IRAG2: variants seen among roughly 807,000 people sequenced by gnomAD.
IRAG2 encodes lymphoid restricted membrane protein.
In IRAG2, 45 loss-of-function variants were observed where a neutral mutation model predicts 69.9. The ratio of observed to expected loss-of-function variants is 0.64; its 90% CI spans 0.51 to 0.83. The LOEUF is 0.83. Among genes scored for constraint, IRAG2 ranks in the 40% least tolerant of loss-of-function variants. The pLI is 0.00. For synonymous variants in IRAG2, 193 were observed against 202.4 expected (o/e 0.95, Z 0.40); for missense variants, 520 against 587.0 (o/e 0.89, Z 1.18).
chr12:25,072,265 C>G (rs1027354679), intron 6 of IRAG2, among the ~76,000 whole-genome samples: 1 of 152,068 alleles, frequency 6.6e-6, no homozygotes, highest in African/African-American at 2.4e-5. Flanking sequence ...ACATCACAAT[C>G]GAGCCTCCAG....
chr12:25,084,030 G>A (rs1947401929), intron 10 of IRAG2, among the ~76,000 whole-genome samples: 2 of 78,198 alleles, frequency 2.6e-5, no homozygotes, highest in African/African-American at 6.9e-5. Context: ...GCATGGTAAA[G>A]CTCTATAAAC....
intron 17 of IRAG2, chr12:25,103,635 C>T: frequency 5.8e-6 from 3 of 518,988 alleles, no homozygotes; most frequent in East Asian, 3.1e-5. Flanking sequence ...TATAATAATC[C>T]AACATTGAGT....
At chr12:25,027,473 C>A (rs1225781175) in intron 9 of IRAG2, among the ~76,000 whole-genome samples, 3 of 150,724 alleles carry the variant, frequency 2.0e-5, no homozygotes, top group African/African-American at 7.3e-5. Context: ...TGGCTCACTG[C>A]AAGCTCTGCC....
At chr12:25,053,141 G>T (rs1178273014) in intron 1 of IRAG2, among the ~76,000 whole-genome samples, 185 bp downstream of exon 1, 1 of 151,800 alleles carries the variant, frequency 6.6e-6, no homozygotes, top group Non-Finnish European at 1.5e-5. Flanking sequence ...TGCATGCATG[G>T]GTTTAACCAT....
intron 20 of IRAG2, among the ~76,000 whole-genome samples, chr12:25,105,420 TTTTATG>T (rs1949010321): frequency 1.3e-5 from 2 of 152,236 alleles, no homozygotes; most frequent in Admixed American, 1.3e-4. Context: ...AAGGAGATGA[TTTTATG>T]TTTATTTATT....
intron 2 of IRAG2, among the ~76,000 whole-genome samples, chr12:25,010,097 G>C (rs915295988): frequency 1.3e-5 from 2 of 152,190 alleles, no homozygotes; most frequent in Non-Finnish European, 2.9e-5. Context: ...ATATGACAGA[G>C]GGCTTAGAGT....
At chr12:25,093,526 C>T (rs1948212603) in intron 14 of IRAG2, 2 of 153,036 alleles carry the variant, frequency 1.3e-5, no homozygotes, top group African/African-American at 4.8e-5. Flanking sequence ...AGTTTTCTTC[C>T]TGGCTTTTTG....
chr12:25,055,850 T>C (rs1463880118), intron 1 of IRAG2, among the ~76,000 whole-genome samples: 1 of 152,194 alleles, frequency 6.6e-6, no homozygotes, highest in Non-Finnish European at 1.5e-5. Context: ...GTGAATCTTA[T>C]GTACAGAAAT....
intron 14 of IRAG2, among the ~76,000 whole-genome samples, chr12:25,092,400 CA>C (rs776677425): frequency 0.13 from 15,560 of 117,244 alleles, 1,179 homozygotes; most frequent in Admixed American, 0.18. Context: ...AACTCCATCT[CA>C]AAAAAAAAAA....
At chr12:25,087,952 A>G (rs939910061) in intron 10 of IRAG2, 148 bp from the exon 11 acceptor site, 45 of 622,344 alleles carry the variant, frequency 7.2e-5, no homozygotes, top group Non-Finnish European at 1.3e-4. Context: ...GTCTTCCAGG[A>G]AACTGGTCCC....
chr12:25,010,930 A>G (rs1944469490), intron 2 of IRAG2, among the ~76,000 whole-genome samples: 1 of 152,224 alleles, frequency 6.6e-6, no homozygotes, highest in African/African-American at 2.4e-5. Context: ...TTTTCACTTG[A>G]GATTGAAATT....
intron 7 of IRAG2, among the ~76,000 whole-genome samples, chr12:25,023,498 C>G (rs967972537): frequency 6.6e-6 from 1 of 152,038 alleles, no homozygotes; most frequent in East Asian, 1.9e-4. Flanking sequence ...CTGAGAATAT[C>G]CACAGCTTCA....
chr12:25,064,423 G>A (rs1945837861), intron 4 of IRAG2, among the ~76,000 whole-genome samples: 1 of 152,206 alleles, frequency 6.6e-6, no homozygotes, highest in Non-Finnish European at 1.5e-5. Flanking sequence ...TTTGGGTTGA[G>A]ATACAGTAGA....
intron 2 of IRAG2, among the ~76,000 whole-genome samples, chr12:25,011,105 T>G (rs866344473): frequency 1.3e-5 from 2 of 152,184 alleles, no homozygotes; most frequent in Admixed American, 6.5e-5. Context: ...ATCGTCCCCA[T>G]CTCAGATAAA....
chr12:25,021,091 C>CTTTTTTTTTTTTTT (rs71063389), intron 7 of IRAG2: 32 of 265,974 alleles, frequency 1.2e-4, no homozygotes, highest in Admixed American at 3.6e-4. Context: ...TCTTTCTTTT[C>CTTTTTTTTTTTTTT]TTTTTTTTTT....
intron 3 of IRAG2, chr12:25,015,117 A>AAAT: frequency 2.3e-6 from 1 of 427,304 alleles, no homozygotes; most frequent in Non-Finnish European, 3.3e-6. Context: ...AAAAAAGACA[A>AAAT]AACTTGGTCA....
chr12:25,064,840 T>A (rs11047801), intron 4 of IRAG2, among the ~76,000 whole-genome samples: 77,215 of 151,956 alleles, frequency 0.51, 19,899 homozygotes, highest in East Asian at 0.77. Flanking sequence ...CTGTAATTCC[T>A]GCACTTTGGG....
chr12:25,030,170 A>C, intron 9 of IRAG2: 1 of 608,876 alleles, frequency 1.6e-6, no homozygotes, highest in Non-Finnish European at 2.4e-6. Flanking sequence ...TGAAAAGTAC[A>C]TGCATGTTAA....
intron 2 of IRAG2, among the ~76,000 whole-genome samples, chr12:25,007,906 T>C (rs554516923): frequency 1.3e-5 from 2 of 152,340 alleles, no homozygotes; most frequent in South Asian, 2.1e-4. Flanking sequence ...CTGTCTCCTA[T>C]GTTTAGAAAT....
Sources: gnomAD v4.1 joint callset for allele counts (sites outside exome capture counted in the v4.1 genomes callset) on GRCh38, gnomAD v4.1.1 for gene constraint, MANE v1.5 for transcripts, NCBI Gene and HGNC (gene_info 2026-07-23, HGNC 2026-07-21) for gene names.